KIF16B: variants seen among roughly 807,000 people sequenced by gnomAD.
KIF16B encodes kinesin family member 16B, also known as kinesin-like protein KIF16B.
KIF16B carries 98 observed loss-of-function variants against 156.3 expected under a neutral mutation model. The observed-to-expected ratio is 0.63, with a 90% CI of 0.53 to 0.74. The LOEUF is 0.74. Ranked by LOEUF, KIF16B falls within the 30% of genes least tolerant of loss-of-function variation. The pLI is 0.00. For synonymous variants in KIF16B, 564 were observed against 583.7 expected (o/e 0.97, Z 0.49); for missense variants, 1,421 against 1,606.5 (o/e 0.88, Z 1.97).
intron 12 of KIF16B, among the ~76,000 whole-genome samples, chr20:16,464,948 C>G (rs1398999480): frequency 1.3e-5 from 2 of 152,052 alleles, no homozygotes; most frequent in African/African-American, 4.8e-5. Context: ...GAACTTTGGA[C>G]CACATATAGA....
At chr20:16,541,673 T>C (rs1433634326) in intron 1 of KIF16B, among the ~76,000 whole-genome samples, 2 of 152,136 alleles carry the variant, frequency 1.3e-5, no homozygotes, top group African/African-American at 4.8e-5. Context: ...CAGACATCTG[T>C]GGGAGTATAG....
chr20:16,286,009 C>A (rs2063217207), intron 25 of KIF16B, among the ~76,000 whole-genome samples: 1 of 152,188 alleles, frequency 6.6e-6, no homozygotes, highest in Non-Finnish European at 1.5e-5. Flanking sequence ...GTTGTACTAG[C>A]TCATTATTAA....
chr20:16,288,816 GA>G (rs1386943166), intron 25 of KIF16B, among the ~76,000 whole-genome samples: 1 of 152,002 alleles, frequency 6.6e-6, no homozygotes, highest in Non-Finnish European at 1.5e-5. Context: ...ATGTACTGGT[GA>G]TAAGGTTATT....
At chr20:16,360,724 G>A (rs888871847) in intron 22 of KIF16B, among the ~76,000 whole-genome samples, 4 of 152,056 alleles carry the variant, frequency 2.6e-5, no homozygotes, top group African/African-American at 4.8e-5. Flanking sequence ...CAACAAATAC[G>A]CTATTTTTCC....
intron 12 of KIF16B, among the ~76,000 whole-genome samples, chr20:16,436,451 C>A (rs2146492238): frequency 6.6e-6 from 1 of 152,298 alleles, no homozygotes; most frequent in African/African-American, 2.4e-5. Context: ...TTTCCCCAGG[C>A]CTTCACTTAC....
At chr20:16,460,734 C>G (rs955652156) in intron 12 of KIF16B, among the ~76,000 whole-genome samples, 2 of 150,622 alleles carry the variant, frequency 1.3e-5, no homozygotes, top group Non-Finnish European at 3.0e-5. Flanking sequence ...GCAACGAAAA[C>G]CAGAAAAAAA....
chr20:16,381,735 C>T lies in KIF16B; in HGVS notation c.1797G>A (p.Glu599=). ...TTTCAAGTTCTTCACGCTGTTGCCT[C>T]TCAAATTCAAGTCTAATAAAATCAA... ...VMLYNPGLEF[E]RQQREELEKL... The change falls in exon 18 of 26, where the codon GAG becomes GAA. Residue 599 remains glutamate (E), a synonymous_variant. Coordinates refer to ENST00000354981, the MANE Select transcript of KIF16B (RefSeq NM_024704.5). 1 of 1,611,334 alleles carries T rather than the reference C, an allele frequency of 6.2e-7. No individual in the cohort carries two copies. Among genetic ancestry groups the T allele is most frequent in the Non-Finnish European group, 8.5e-7 (1 of 1,178,352 alleles).
At chr20:16,327,449 T>TA (rs1031985756) in intron 24 of KIF16B, among the ~76,000 whole-genome samples, 72 of 149,310 alleles carry the variant, frequency 4.8e-4, no homozygotes, top group East Asian at 7.8e-4. Context: ...TTTATTGAAA[T>TA]AAAAAAAAAA....
intron 24 of KIF16B, among the ~76,000 whole-genome samples, chr20:16,328,015 A>G (rs558085944): frequency 1.3e-5 from 2 of 152,348 alleles, no homozygotes; most frequent in East Asian, 3.9e-4. Context: ...ATAGTTGTCC[A>G]AGACAAATAC....
chr20:16,307,850 G>A (rs1347700604), intron 25 of KIF16B, among the ~76,000 whole-genome samples: 1 of 152,056 alleles, frequency 6.6e-6, no homozygotes, highest in Admixed American at 6.6e-5. Flanking sequence ...TTTCAGGCCC[G>A]TGGTTAAGAA....
chr20:16,482,884 T>C (rs2068019106), intron 12 of KIF16B, among the ~76,000 whole-genome samples: 1 of 152,142 alleles, frequency 6.6e-6, no homozygotes, highest in African/African-American at 2.4e-5. Context: ...ACAGAAGCTG[T>C]GGTGAATGAG....
At chr20:16,432,108 C>T (rs2066518867) in intron 12 of KIF16B, among the ~76,000 whole-genome samples, 2 of 151,960 alleles carry the variant, frequency 1.3e-5, no homozygotes, top group Non-Finnish European at 2.9e-5. Flanking sequence ...GAATGGTAGG[C>T]CTTATCTTGA....
At chr20:16,565,317 C>T (rs2071212263) in intron 1 of KIF16B, among the ~76,000 whole-genome samples, 1 of 152,128 alleles carries the variant, frequency 6.6e-6, no homozygotes, top group African/African-American at 2.4e-5. Flanking sequence ...AGAGCCGTGA[C>T]ATCATCACAC....
chr20:16,460,771 T>C lies in KIF16B; in HGVS notation c.1303-30789A>G, dbSNP rs188912937. 3.9e-5 allele frequency among the ~76,000 whole-genome samples: 6 copies of C among 152,020 alleles called. No individual in the cohort carries two copies. The East Asian group carries it at 9.7e-4, about 24-fold the overall frequency. On this transcript the variant is annotated intron_variant, in intron 12 of 25. Transcript: ENST00000354981. ...AGTATTATGTTTATTAATACAAATA[T>C]AGTCTAGATACAAATAGAAACACTG...
chr20:16,306,812 A>G (rs2063547595), intron 25 of KIF16B, among the ~76,000 whole-genome samples: 1 of 152,030 alleles, frequency 6.6e-6, no homozygotes, highest in Admixed American at 6.6e-5. Context: ...ACCAACGAAC[A>G]TTTTCGAGTG....
At chr20:16,313,110 A>C (rs2063645678) in intron 24 of KIF16B, among the ~76,000 whole-genome samples, 1 of 152,240 alleles carries the variant, frequency 6.6e-6, no homozygotes, top group Non-Finnish European at 1.5e-5. Context: ...TTCCCAGGCA[A>C]GATAGGATTC....
At chr20:16,571,318 C>T (rs1240762099) in intron 1 of KIF16B, among the ~76,000 whole-genome samples, 1 of 152,208 alleles carries the variant, frequency 6.6e-6, no homozygotes, top group African/African-American at 2.4e-5. Flanking sequence ...AACTGCTAAT[C>T]ACCTGCCTCT....
intron 16 of KIF16B, 33 bp from the exon 17 acceptor site, chr20:16,404,934 T>C (rs377518645): frequency 6.5e-7 from 1 of 1,536,846 alleles, no homozygotes; most frequent in Non-Finnish European, 9.0e-7. Flanking sequence ...GTGGTTACCT[T>C]AGCAGAGAAG....
At chr20:16,446,325 T>C (rs375799644) in intron 12 of KIF16B, among the ~76,000 whole-genome samples, 7 of 152,312 alleles carry the variant, frequency 4.6e-5, no homozygotes, top group African/African-American at 1.7e-4. Context: ...AGACCTGTGG[T>C]CATTATCAAA....
Sources: allele counts gnomAD v4.1 joint callset (sites outside exome capture counted in the v4.1 genomes callset), GRCh38; gene constraint gnomAD v4.1.1; transcripts MANE v1.5; gene names NCBI Gene and HGNC (gene_info 2026-07-23, HGNC 2026-07-21).